TNN: variants seen among roughly 807,000 people sequenced by gnomAD.
The protein encoded by TNN is tenascin N.
A neutral mutation model predicts 134.4 loss-of-function variants in TNN; 122 were observed. The ratio of observed to expected loss-of-function variants is 0.91; its 90% confidence interval spans 0.78 to 1.06. The LOEUF (loss-of-function observed/expected upper bound fraction) is 1.06. Among genes scored for constraint, TNN ranks in the 50% least tolerant of loss-of-function variants. The pLI is 0.00. For missense variants in TNN, 1,739 were observed against 1,699.4 expected (o/e 1.02, Z -0.41); for synonymous variants, 710 against 670.3 (o/e 1.06, Z -0.91).
At position 175,126,214 on chromosome 1, in the gene TNN, GCCTCAGCCTC is replaced by G. The variant is rs564301849; in HGVS notation, c.2915-738_2915-729del. On this transcript the variant is annotated intron_variant, in intron 12 of 18. Coordinates refer to ENST00000239462, the MANE Select transcript of TNN (RefSeq NM_022093.2). ...CCTCCCGAGTTCAAGCAATTCTCCTGCCTCAGCCTCCCGAGTAGCTGGGATGACAGGCGAC... is the reference window on the plus strand; with the variant it reads ...CCTCCCGAGTTCAAGCAATTCTCCTGCCGAGTAGCTGGGATGACAGGCGAC... Among the ~76,000 whole-genome samples, 552 of 150,026 alleles carry G rather than the reference GCCTCAGCCTC, an allele frequency of 3.7e-3. 7 individuals are homozygous for G. Among genetic ancestry groups the G allele is most frequent in the African/African-American group, 0.013 (525 of 40,744 alleles).
At chr1:175,104,696 T>C (rs1244785277) in intron 9 of TNN, among the ~76,000 whole-genome samples, 2 of 145,722 alleles carry the variant, frequency 1.4e-5, no homozygotes, top group Non-Finnish European at 3.0e-5. Context: ...CTCTAGATTT[T>C]GTTCAGGGCT....
chr1:175,124,435 C>G (rs973645982), intron 12 of TNN, among the ~76,000 whole-genome samples: 2 of 152,158 alleles, frequency 1.3e-5, no homozygotes, highest in African/African-American at 4.8e-5. Context: ...AATCCCAGCC[C>G]TTTGGGAGGT....
chr1:175,120,182 T>C (rs1454960032), intron 11 of TNN, among the ~76,000 whole-genome samples: 4 of 152,166 alleles, frequency 2.6e-5, no homozygotes, highest in Non-Finnish European at 4.4e-5. Context: ...ATGAGCATCA[T>C]CTAAGTGCCA....
chr1:175,092,050 G>C (rs1674464028), intron 6 of TNN, among the ~76,000 whole-genome samples: 1 of 152,198 alleles, frequency 6.6e-6, no homozygotes, highest in African/African-American at 2.4e-5. Flanking sequence ...GGATGCTTTT[G>C]AGAAGGTGAG....
At chr1:175,132,687 G>A (rs1221816264) in intron 15 of TNN, among the ~76,000 whole-genome samples, 1 of 152,230 alleles carries the variant, frequency 6.6e-6, no homozygotes, top group Non-Finnish European at 1.5e-5. Flanking sequence ...AGCTGGCTGA[G>A]GGTCAGCAAT....
intron 6 of TNN, among the ~76,000 whole-genome samples, chr1:175,091,554 A>AT (rs1553314016): frequency 0.29 from 40,682 of 140,354 alleles, 5,933 homozygotes; most frequent in Non-Finnish European, 0.31. Context: ...ACTTTTATTT[A>AT]TTATTTTTAT....
intron 9 of TNN, among the ~76,000 whole-genome samples, chr1:175,114,928 G>A (rs1472852518): frequency 6.6e-6 from 1 of 152,074 alleles, no homozygotes; most frequent in Non-Finnish European, 1.5e-5. Flanking sequence ...GCCAGATGCA[G>A]CAGCAGCAAG....
intron 1 of TNN, among the ~76,000 whole-genome samples, chr1:175,070,870 G>GAAGT (rs915329283): frequency 6.6e-6 from 1 of 152,172 alleles, no homozygotes; most frequent in Non-Finnish European, 1.5e-5. Flanking sequence ...GGTTACTTGG[G>GAAGT]AAGTACAGGG....
rs142631062 is a variant in TNN at position 175,118,763 on chromosome 1, G to A, written c.2589G>A (p.Val863=). The part of the protein sequence containing the change: ...TGLRPGMEYT[V]HVWAQKGNQE... ...TGAGGCCGGGCATGGAGTACACGGT[G>A]CACGTGTGGGCCCAGAAGGGGAACC... is the stretch of plus-strand genomic sequence containing the variant. Residue 863 remains valine (V), a synonymous_variant, in exon 11 of 19, where the codon GTG becomes GTA. Transcript: ENST00000239462. The A allele has an allele frequency of 9.3e-6, 15 of 1,614,220 alleles. No homozygotes were observed. The highest frequency in any genetic ancestry group is 2.2e-5 in the South Asian group (2 of 91,084).
chr1:175,138,803 A>T (rs1185142725), intron 17 of TNN, among the ~76,000 whole-genome samples: 1 of 152,230 alleles, frequency 6.6e-6, no homozygotes, highest in Non-Finnish European at 1.5e-5. Context: ...TCATTGTGCA[A>T]ACATCATAGA....
At chr1:175,143,042 G>A (rs1048856088) in intron 17 of TNN, among the ~76,000 whole-genome samples, 1 of 152,182 alleles carries the variant, frequency 6.6e-6, no homozygotes, top group Non-Finnish European at 1.5e-5. Flanking sequence ...AAACAAGGAA[G>A]GCATAGGTGG....
intron 6 of TNN, among the ~76,000 whole-genome samples, chr1:175,089,041 A>G (rs1674382848): frequency 6.6e-6 from 1 of 152,218 alleles, no homozygotes; most frequent in Admixed American, 6.5e-5. Context: ...TAAAACCAGG[A>G]TAGAATATTT....
In TNN at chr1:175,122,579, C is replaced by G. The variant is rs114977445; in HGVS notation, c.2651-821C>G. Among the ~76,000 whole-genome samples the G allele has an allele frequency of 4.0e-3, 611 of 152,268 alleles. 3 individuals carry two copies. The highest frequency in any genetic ancestry group is 0.014 in the African/African-American group (579 of 41,538). The stretch of plus-strand genomic sequence containing the variant: ...GTGGATCAGCTCTGCCAAATGCCAC[C>G]CAGAAGCAGTGTAAAGTTGAGAATG... On this transcript the variant is annotated intron_variant, in intron 11 of 18. Transcript: ENST00000239462.
intron 9 of TNN, among the ~76,000 whole-genome samples, chr1:175,109,375 A>C (rs1674961601): frequency 6.6e-6 from 1 of 151,628 alleles, no homozygotes. Flanking sequence ...GGCGTGAGCC[A>C]CCGGGCCCGG....
rs1674630409 is a variant in TNN, at chr1:175,098,475, G to A, written c.1999G>A (p.Gly667Arg). 3.7e-6 allele frequency: 6 copies of A among 1,614,194 alleles called. No homozygotes were observed. The highest frequency in any genetic ancestry group is 4.2e-6 in the Non-Finnish European group (5 of 1,180,036). Residue 667 changes from glycine (G) to arginine (R), a missense_variant, in exon 9 of 19, where the codon GGG becomes AGG. Coordinates refer to ENST00000239462, the MANE Select transcript of TNN (RefSeq NM_022093.2). ...TGGAGAGACCAGGGAGGTTCCGGTG[G>A]GGAAGGAGCAGAGCAGCACAGTCCT... The part of the protein sequence containing the change: ...AGGETREVPV[G>R]KEQSSTVLTG...
chr1:175,112,108 T>A (rs1480632585), intron 9 of TNN, among the ~76,000 whole-genome samples: 1 of 152,224 alleles, frequency 6.6e-6, no homozygotes, highest in Non-Finnish European at 1.5e-5. Flanking sequence ...CCCCAATCAG[T>A]GTATTGTTAA....
Position 175,117,094 on chromosome 1 carries a change from C to A in TNN, c.2275C>A (p.Gln759Lys), listed in dbSNP as rs747746975. 2 of 1,614,238 alleles carry A rather than the reference C, an allele frequency of 1.2e-6. No individual in the cohort carries two copies. Among genetic ancestry groups the A allele is most frequent in the South Asian group, 2.2e-5 (2 of 91,088 alleles). Residue 759 changes from glutamine (Q) to lysine (K), a missense_variant, in exon 10 of 19, where the codon CAG becomes AAG. Gln to Lys is a moderately conservative substitution (Grantham distance 53). Coordinates refer to ENST00000239462, the MANE Select transcript of TNN (RefSeq NM_022093.2). ...CAGGGAGGTTCCGGTGGGGAAGGAG[C>A]AGAGTAGCACTGTCCTGACGGGCCT... is the stretch of plus-strand genomic sequence containing the variant. ...ETREVPVGKE[Q>K]SSTVLTGLRP...
At chr1:175,128,195 G>C in intron 14 of TNN, 31 bp downstream of exon 14, 2 of 1,546,458 alleles carry the variant, frequency 1.3e-6, no homozygotes, top group South Asian at 2.5e-5. Context: ...CTGAACGACC[G>C]TGCAATGAGA....
rs200935300 is a variant in TNN, at chr1:175,136,899, A to G, written c.3506A>G (p.Glu1169Gly). The G allele has an allele frequency of 1.9e-6, 3 of 1,614,102 alleles. No individual in the cohort carries two copies. Among genetic ancestry groups the G allele is most frequent in the Non-Finnish European group, 2.5e-6 (3 of 1,180,048 alleles). ...EVRVDLQTAN[E>G]SAYAIYDFFQ... ...AGAGTGGATTTACAGACTGCCAATGAATCTGCCTATGCTATATATGATTTC... is the reference window on the plus strand; with the variant it reads ...AGAGTGGATTTACAGACTGCCAATGGATCTGCCTATGCTATATATGATTTC... Residue 1169 changes from glutamate to glycine, a missense_variant, in exon 17 of 19, where the codon GAA becomes GGA. Glu to Gly is a moderately conservative substitution (Grantham distance 98). Transcript: ENST00000239462.
Sources: allele counts gnomAD v4.1 joint callset (sites outside exome capture counted in the v4.1 genomes callset), GRCh38; gene constraint gnomAD v4.1.1; transcripts MANE v1.5; gene names NCBI Gene and HGNC (gene_info 2026-07-23, HGNC 2026-07-21).